NDUFA13: variants seen among roughly 807,000 people sequenced by gnomAD.
NDUFA13 encodes NADH dehydrogenase [ubiquinone] 1 alpha subcomplex subunit 13.
NDUFA13 carries 16 observed loss-of-function variants against 17.0 expected under a neutral mutation model. That is an observed-to-expected ratio of 0.94 (90% CI 0.64 to 1.43). NDUFA13 has a LOEUF of 1.43. NDUFA13 is among the 40% of genes most tolerant of loss of function. NDUFA13 has a pLI of 0.00. For synonymous variants in NDUFA13, 87 were observed against 78.4 expected (o/e 1.11, Z -0.58); for missense variants, 228 against 206.7 (o/e 1.10, Z -0.63).
At chr19:19,523,636 T>G (rs2061088269) in intron 1 of NDUFA13, among the ~76,000 whole-genome samples, 2 of 152,040 alleles carry the variant, frequency 1.3e-5, no homozygotes, top group South Asian at 4.2e-4. Flanking sequence ...TTTAAAAATA[T>G]GTATTTTGGG....
intron 1 of NDUFA13, 171 bp from the exon 2 acceptor site, chr19:19,526,011 C>G (rs1448392775): frequency 3.3e-6 from 5 of 1,495,130 alleles, no homozygotes. Flanking sequence ...TGCTGCCTGG[C>G]TTGTACCTTT....
Position 19,527,780 on chromosome 19 carries a change from G to T in NDUFA13, c.315+10G>T, listed in dbSNP as rs750481873. On this transcript the variant is annotated intron_variant, in intron 4 of 4. Coordinates refer to ENST00000507754, the MANE Select transcript of NDUFA13 (RefSeq NM_015965.7). ...CGTGCCCGACTGGAAGGTGGGTCCC[G>T]GCTGGGAGGGCAGAGGTGCCAGCCA... 2 of 1,551,930 alleles carry T rather than the reference G, an allele frequency of 1.3e-6. No individual in the cohort carries two copies. The highest frequency in any genetic ancestry group is 2.4e-5 in the South Asian group (2 of 84,102).
intron 1 of NDUFA13, among the ~76,000 whole-genome samples, chr19:19,517,332 C>T (rs1344648446): frequency 6.6e-6 from 1 of 151,842 alleles, no homozygotes; most frequent in Admixed American, 6.6e-5. Flanking sequence ...AAGCCATCCT[C>T]CCACCCCAGC....
rs150574805 is a variant in NDUFA13, at chr19:19,516,243, C to G, written c.5C>G (p.Ala2Gly). Residue 2 changes from alanine (A) to glycine (G), a missense_variant, in exon 1 of 5, where the codon GCG becomes GGG. By Grantham distance (60) the Ala-to-Gly change is moderately conservative. Transcript: ENST00000507754. ...GAAGTGTGGGATACTGCGAGTATGG[C>G]GGCGTCAAAGGTGAAGCAGGACATG... MAASKVKQDMPP... is the reference protein window; with the variant it reads MGASKVKQDMPP... 50 of 1,613,972 alleles carry G rather than the reference C, an allele frequency of 3.1e-5. No individual in the cohort carries two copies. The highest frequency in any genetic ancestry group is 3.0e-4 in the South Asian group (27 of 91,084).
chr19:19,521,425 C>T (rs2061076987), intron 1 of NDUFA13, among the ~76,000 whole-genome samples: 1 of 152,220 alleles, frequency 6.6e-6, no homozygotes, highest in Non-Finnish European at 1.5e-5. Flanking sequence ...TCAGTGTTTC[C>T]CAGGCTGGTG....
At chr19:19,517,187 A>G (rs1017503845) in intron 1 of NDUFA13, among the ~76,000 whole-genome samples, 1 of 152,168 alleles carries the variant, frequency 6.6e-6, no homozygotes, top group Non-Finnish European at 1.5e-5. Flanking sequence ...CTCAGTCCCC[A>G]GGTTAACAGA....
At position 19,523,754 on chromosome 19, in the gene NDUFA13, C is replaced by T. The variant is rs181279080; in HGVS notation, c.95-2428C>T. 5.9e-5 allele frequency among the ~76,000 whole-genome samples: 9 copies of T among 152,210 alleles called. No individual in the cohort carries two copies. In the East Asian group the frequency reaches 9.7e-4, roughly 16 times the overall value. On this transcript the variant is annotated intron_variant, in intron 1 of 4. Coordinates refer to ENST00000507754, the MANE Select transcript of NDUFA13 (RefSeq NM_015965.7). ...ACCAGCCTGGCCAACATGGTGAAAC[C>T]TCGTCTCTACTAAAAAATACAAAAA...
intron 1 of NDUFA13, 140 bp downstream of exon 1, chr19:19,516,472 A>G (rs1225776640): frequency 2.2e-6 from 2 of 902,502 alleles, no homozygotes; most frequent in African/African-American, 3.3e-5. Flanking sequence ...AGCTTCTGTA[A>G]TAACGCTAAG....
intron 4 of NDUFA13, 89 bp from the exon 5 acceptor site, chr19:19,527,918 C>T (rs780727192): frequency 2.3e-5 from 36 of 1,534,846 alleles, no homozygotes; most frequent in African/African-American, 1.9e-4. Flanking sequence ...GCGCCTGCCA[C>T]GCACAGGGGC....
Position 19,527,774 on chromosome 19 carries a change from G to T in NDUFA13, c.315+4G>T. The stretch of plus-strand genomic sequence containing the variant: ...GAAGGACGTGCCCGACTGGAAGGTG[G>T]GTCCCGGCTGGGAGGGCAGAGGTGC... On this transcript the variant is annotated splice_donor_region_variant and intron_variant, in intron 4 of 4. Coordinates refer to ENST00000507754, the MANE Select transcript of NDUFA13 (RefSeq NM_015965.7). 5 of 1,552,274 alleles carry T rather than the reference G, an allele frequency of 3.2e-6. No individual in the cohort carries two copies. The highest frequency in any genetic ancestry group is 4.4e-6 in the Non-Finnish European group (5 of 1,147,296).
At chr19:19,519,045 A>ATTTTTTTTTTTTT (rs71170693) in intron 1 of NDUFA13, among the ~76,000 whole-genome samples, 2 of 114,914 alleles carry the variant, frequency 1.7e-5, no homozygotes, top group Non-Finnish European at 3.4e-5. Context: ...GGCCCGGCCT[A>ATTTTTTTTTTTTT]TTTTTTTTTT....
intron 1 of NDUFA13, among the ~76,000 whole-genome samples, chr19:19,518,820 G>T (rs143887141): frequency 7.7e-6 from 1 of 130,240 alleles, no homozygotes; most frequent in South Asian, 2.7e-4. Context: ...TTGGCTCACC[G>T]CAACCTCTGC....
chr19:19,521,728 G>A (rs569352647), intron 1 of NDUFA13, among the ~76,000 whole-genome samples: 30 of 147,842 alleles, frequency 2.0e-4, no homozygotes, highest in African/African-American at 7.1e-4. Context: ...TCAGCTTCCC[G>A]AGTAGCTGGG....
At chr19:19,523,599 C>T (rs577136715) in intron 1 of NDUFA13, among the ~76,000 whole-genome samples, 1 of 152,252 alleles carries the variant, frequency 6.6e-6, no homozygotes, top group East Asian at 1.9e-4. Context: ...GGTGGGACCA[C>T]AGATACGTGC....
chr19:19,526,768 TCCC>T (rs2061101489), intron 2 of NDUFA13: 1 of 282,318 alleles, frequency 3.5e-6, no homozygotes, highest in African/African-American at 2.2e-5. Flanking sequence ...GGGCACTCCT[TCCC>T]CACCCCTCCC....
At chr19:19,519,401 GC>G (rs558258921) in intron 1 of NDUFA13, among the ~76,000 whole-genome samples, 3 of 152,108 alleles carry the variant, frequency 2.0e-5, no homozygotes, top group Non-Finnish European at 4.4e-5. Context: ...CAGAGCAGTG[GC>G]CCCCCCTGTG....
At chr19:19,516,600 C>G (rs1321953687) in intron 1 of NDUFA13, among the ~76,000 whole-genome samples, 2 of 152,242 alleles carry the variant, frequency 1.3e-5, no homozygotes, top group Non-Finnish European at 2.9e-5. Flanking sequence ...AGCCTGTGCT[C>G]TGGCCCTCAG....
chr19:19,528,066 C>T lies in NDUFA13; in HGVS notation c.375C>T (p.Tyr125=), dbSNP rs141026032. 179 of 1,611,816 alleles carry T rather than the reference C, an allele frequency of 1.1e-4. 2 individuals carry two copies. The highest frequency in any genetic ancestry group is 1.1e-3 in the South Asian group (98 of 90,932). The part of the protein sequence containing the change: ...RWVPPLIGEL[Y]GLRTTEEALH... ...TGCCCCCCTTGATCGGGGAGCTGTA[C>T]GGGCTGCGCACCACAGAGGAGGCTC... Residue 125 remains tyrosine, a synonymous_variant, in exon 5 of 5, where the codon TAC becomes TAT. Coordinates refer to ENST00000507754, the MANE Select transcript of NDUFA13 (RefSeq NM_015965.7).
At chr19:19,520,092 C>T (rs564624545) in intron 1 of NDUFA13, among the ~76,000 whole-genome samples, 20 of 150,740 alleles carry the variant, frequency 1.3e-4, no homozygotes, top group Non-Finnish European at 2.7e-4. Context: ...GATCCACCTA[C>T]CTCAACCTCC....
Sources: gnomAD v4.1 joint callset for allele counts (sites outside exome capture counted in the v4.1 genomes callset) on GRCh38, gnomAD v4.1.1 for gene constraint, MANE v1.5 for transcripts, NCBI Gene and HGNC (gene_info 2026-07-23, HGNC 2026-07-21) for gene names.